The following JMY variants were observed in gnomAD, a reference collection of about 807,000 sequenced individuals.
JMY encodes junction mediating and regulatory protein, p53 cofactor.
Under a neutral mutation model 103.3 loss-of-function variants are expected in JMY, and 46 were observed. The ratio of observed to expected loss-of-function variants is 0.45; its 90% CI spans 0.35 to 0.57. The LOEUF (loss-of-function observed/expected upper bound fraction) is 0.57, where lower values mean the gene tolerates loss of function less well. JMY is among the 20% of genes least tolerant of loss of function. The probability of loss-of-function intolerance (pLI) is 0.00; values close to 1 mark genes in which losing one functional copy is unlikely to be tolerated. For synonymous variants in JMY, 526 were observed against 489.3 expected (o/e 1.07, Z -0.99); for missense variants, 1,238 against 1,255.2 (o/e 0.99, Z 0.21).
chr5:79,312,005 T>G (rs1027810593), intron 7 of JMY, among the ~76,000 whole-genome samples: 2 of 152,038 alleles, frequency 1.3e-5, no homozygotes, highest in African/African-American at 4.8e-5. Flanking sequence ...TGGGTAGAGA[T>G]AGGGTTTCAC....
At chr5:79,250,470 G>A (rs2591392) in intron 1 of JMY, among the ~76,000 whole-genome samples, 52,732 of 151,690 alleles carry the variant, frequency 0.35, 9,604 homozygotes, top group South Asian at 0.52. Context: ...TTTGTTTGTA[G>A]GCGTCCCAGA....
intron 5 of JMY, 80 bp from the exon 6 acceptor site, chr5:79,300,596 G>A (rs1364751322): frequency 2.6e-6 from 3 of 1,137,802 alleles, no homozygotes; most frequent in Non-Finnish European, 3.7e-6. Flanking sequence ...TGCAGAGCCA[G>A]TAATGAGATT....
intron 4 of JMY, among the ~76,000 whole-genome samples, chr5:79,296,227 C>T (rs765961767): frequency 6.6e-6 from 1 of 152,072 alleles, no homozygotes; most frequent in Admixed American, 6.5e-5. Context: ...CACATTTTTC[C>T]ACAAATGGAT....
chr5:79,245,686 C>T (rs1744878729), intron 1 of JMY, among the ~76,000 whole-genome samples: 1 of 152,104 alleles, frequency 6.6e-6, no homozygotes. Context: ...AGTGCAGTGG[C>T]ATGACTTTGG....
Position 79,314,742 on chromosome 5 carries a change from G to T in JMY, c.2550G>T (p.Arg850Ser). The T allele has an allele frequency of 6.2e-7, 1 of 1,612,986 alleles. No homozygotes were observed. The highest frequency in any genetic ancestry group is 8.5e-7 in the Non-Finnish European group (1 of 1,179,802). The change falls in exon 9 of 11, where the codon AGG becomes AGT. Residue 850 changes from arginine (R) to serine (S), a missense_variant. Coordinates refer to ENST00000396137, the MANE Select transcript of JMY (RefSeq NM_152405.5). ...CTAGAAAGGAGGGGAATGAGAAGAG[G>T]ATCCCAAAGTCAGCCAGTGCCCCCT... is the stretch of plus-strand genomic sequence containing the variant. ...DLPRKEGNEKRIPKSASAPSA... is the reference protein window; with the variant it reads ...DLPRKEGNEKSIPKSASAPSA...
In JMY at chr5:79,236,662, G is replaced by T; in HGVS notation, c.12G>T (p.Ala4=). Residue 4 remains alanine (A), a synonymous_variant, in exon 1 of 11, where the codon GCG becomes GCT. Coordinates refer to ENST00000396137, the MANE Select transcript of JMY (RefSeq NM_152405.5). Reference sequence around the variant, plus strand: ...AAGCCGGAGCCACCATGTCGTTCGCGCTGGAGGAGACGCTCGAGTCGGACT... The same window carrying T: ...AAGCCGGAGCCACCATGTCGTTCGCTCTGGAGGAGACGCTCGAGTCGGACT... The part of the protein sequence containing the change: MSF[A]LEETLESDWV... The T allele has an allele frequency of 6.8e-7, 1 of 1,462,362 alleles. No individual in the cohort carries two copies. The highest frequency in any genetic ancestry group is 3.0e-5 in the East Asian group (1 of 33,456). 90.6% of individuals were successfully genotyped at this position (1,462,362 alleles called of 1,614,324 possible).
chr5:79,320,237 TG>T (rs1304099232), intron 10 of JMY, among the ~76,000 whole-genome samples: 1 of 152,006 alleles, frequency 6.6e-6, no homozygotes, highest in Non-Finnish European at 1.5e-5. Flanking sequence ...AAAAAGTAGC[TG>T]GGCGTGGTGG....
At chr5:79,241,406 TAAG>T (rs1744736934) in intron 1 of JMY, among the ~76,000 whole-genome samples, 1 of 152,238 alleles carries the variant, frequency 6.6e-6, no homozygotes, top group African/African-American at 2.4e-5. Context: ...TGTGAAGTTG[TAAG>T]TAAAATTTTT....
chr5:79,239,039 CTTG>C (rs1190114053), intron 1 of JMY, among the ~76,000 whole-genome samples: 2 of 152,066 alleles, frequency 1.3e-5, no homozygotes, highest in Non-Finnish European at 2.9e-5. Context: ...ATAGTTGAAC[CTTG>C]TTGTTAGATT....
intron 1 of JMY, among the ~76,000 whole-genome samples, chr5:79,252,988 CTCTT>C (rs765053635): frequency 9.2e-5 from 14 of 152,086 alleles, no homozygotes; most frequent in Non-Finnish European, 1.6e-4. Context: ...GGTCTCCTCT[CTCTT>C]TCTTCATGTC....
rs562177309 is a variant in JMY at position 79,272,956 on chromosome 5, A to G, written c.1033-4954A>G. Among the ~76,000 whole-genome samples the G allele has an allele frequency of 5.3e-5, 8 of 152,272 alleles. No individual in the cohort carries two copies. In the East Asian group the frequency reaches 7.7e-4, roughly 15 times the overall value. On this transcript the variant is annotated intron_variant, in intron 1 of 10. Coordinates refer to ENST00000396137, the MANE Select transcript of JMY (RefSeq NM_152405.5). The stretch of plus-strand genomic sequence containing the variant: ...CAGCCCATCTTATACTTAAGAACCC[A>G]TATGTGTCTGTATAGATTCATCTCT...
intron 10 of JMY, among the ~76,000 whole-genome samples, chr5:79,316,944 C>T (rs973286455): frequency 2.7e-5 from 4 of 145,766 alleles, no homozygotes; most frequent in Non-Finnish European, 4.5e-5. Context: ...TTCAGTGGTT[C>T]GCTTCTGTAG....
Position 79,275,270 on chromosome 5 carries a change from C to T in JMY, c.1033-2640C>T, listed in dbSNP as rs186661900. On this transcript the variant is annotated intron_variant, in intron 1 of 10. Coordinates refer to ENST00000396137, the MANE Select transcript of JMY (RefSeq NM_152405.5). ...CCGCCTCCCAGGTTCACACCATCCTCCTGCCTCAGCCTCCCGAGCAGCTGG... is the reference window on the plus strand; with the variant it reads ...CCGCCTCCCAGGTTCACACCATCCTTCTGCCTCAGCCTCCCGAGCAGCTGG... Among the ~76,000 whole-genome samples the T allele has an allele frequency of 7.8e-3, 1,187 of 152,000 alleles. 21 individuals are homozygous for T. Among genetic ancestry groups the T allele is most frequent in the South Asian group, 0.065 (312 of 4,812 alleles).
In JMY at chr5:79,289,199, T is replaced by C. The variant is rs529968971; in HGVS notation, c.1207-922T>C. On this transcript the variant is annotated intron_variant, in intron 2 of 10. Coordinates refer to ENST00000396137, the MANE Select transcript of JMY (RefSeq NM_152405.5). Reference sequence around the variant, plus strand: ...GCAGCAAGCCAAGATCGCACTACTGTACTCCAACCTGGACAACAAAGCGAG... The same window carrying C: ...GCAGCAAGCCAAGATCGCACTACTGCACTCCAACCTGGACAACAAAGCGAG... Among the ~76,000 whole-genome samples the C allele has an allele frequency of 3.5e-5, 5 of 141,820 alleles. No individual in the cohort carries two copies. In the East Asian group the frequency reaches 1.0e-3, roughly 29 times the overall value. 93.0% of individuals were successfully genotyped at this position (141,820 alleles called of 152,430 possible).
chr5:79,308,391 G>A (rs1462571679), intron 7 of JMY, among the ~76,000 whole-genome samples: 4 of 152,140 alleles, frequency 2.6e-5, no homozygotes, highest in African/African-American at 9.7e-5. Context: ...GGTAATTTTT[G>A]TGAAGGGTAT....
rs1171427661 is a variant in JMY, at chr5:79,270,495, AAT to A, written c.1033-7408_1033-7407del. Among the ~76,000 whole-genome samples the A allele has an allele frequency of 8.3e-5, 8 of 96,436 alleles. 1 individual carries two copies. The highest frequency in any genetic ancestry group is 3.5e-4 in the Admixed American group (3 of 8,464). The allele number at this position is 96,436 out of a possible 152,430, so 63.3% of individuals were successfully genotyped here. On this transcript the variant is annotated intron_variant, in intron 1 of 10. Transcript: ENST00000396137. The stretch of plus-strand genomic sequence containing the variant: ...TATATTTACATAAATATTTACATAA[AAT>A]ATATATTTACATAAATATTTAAAAT...
intron 4 of JMY, among the ~76,000 whole-genome samples, chr5:79,295,808 T>C (rs1746549205): frequency 6.6e-6 from 1 of 152,214 alleles, no homozygotes; most frequent in Non-Finnish European, 1.5e-5. Flanking sequence ...ATTTTATTTG[T>C]CAATAAGTAG....
chr5:79,240,820 T>C (rs573072850), intron 1 of JMY, among the ~76,000 whole-genome samples: 1 of 152,340 alleles, frequency 6.6e-6, no homozygotes, highest in Admixed American at 6.5e-5. Flanking sequence ...TAAATTTAAC[T>C]TTGCTTTCTT....
intron 8 of JMY, among the ~76,000 whole-genome samples, 182 bp from the exon 9 acceptor site, chr5:79,314,075 T>G (rs531201987): frequency 1.1e-4 from 16 of 152,292 alleles, no homozygotes; most frequent in African/African-American, 3.4e-4. Flanking sequence ...GCCAGGCTGG[T>G]CTCAAACTCC....
Sources: allele counts gnomAD v4.1 joint callset (sites outside exome capture counted in the v4.1 genomes callset), GRCh38; gene constraint gnomAD v4.1.1; transcripts MANE v1.5; gene names NCBI Gene and HGNC (gene_info 2026-07-23, HGNC 2026-07-21).